SGCZ: variants seen among roughly 807,000 people sequenced by gnomAD.
The protein encoded by SGCZ is zeta-sarcoglycan.
In SGCZ, 40 loss-of-function variants were observed where a neutral mutation model predicts 41.3. The ratio of observed to expected loss-of-function variants is 0.97; its 90% CI spans 0.75 to 1.26. SGCZ has a LOEUF of 1.26. Ranked by LOEUF, SGCZ falls within the 50% of genes most tolerant of loss-of-function variation. The pLI is 0.00. For missense variants in SGCZ, 552 were observed against 369.8 expected, an observed-to-expected ratio of 1.49 and a Z score of -4.04; for synonymous variants, 206 against 137.5, an observed-to-expected ratio of 1.50 and a Z score of -3.49.
chr8:15,206,107 A>G (rs1801053506), intron 1 of SGCZ, among the ~76,000 whole-genome samples: 1 of 152,202 alleles, frequency 6.6e-6, no homozygotes. Context: ...GTGCTGAAAT[A>G]ATCTGTAGAA....
intron 4 of SGCZ, among the ~76,000 whole-genome samples, chr8:14,216,370 C>T (rs1379723541): frequency 3.9e-5 from 6 of 152,122 alleles, no homozygotes; most frequent in Admixed American, 2.6e-4. Context: ...TCCTCCGAAT[C>T]ACAGGAGAAG....
At chr8:14,784,913 A>AAAAAAAAAAAAAT (rs1408574493) in intron 1 of SGCZ, among the ~76,000 whole-genome samples, 28 of 88,008 alleles carry the variant, frequency 3.2e-4, no homozygotes, top group Non-Finnish European at 4.6e-4. Context: ...AAAAAAAAAA[A>AAAAAAAAAAAAAT]ATATATATAT....
At chr8:14,110,607 G>A (rs138764316) in intron 5 of SGCZ, among the ~76,000 whole-genome samples, 15 of 152,190 alleles carry the variant, frequency 9.9e-5, no homozygotes, top group Non-Finnish European at 1.5e-4. Context: ...CAAAATGCAG[G>A]CCTCTAGAAA....
intron 2 of SGCZ, among the ~76,000 whole-genome samples, chr8:14,387,963 A>G (rs547542596): frequency 6.6e-6 from 1 of 152,260 alleles, no homozygotes; most frequent in South Asian, 2.1e-4. Context: ...GGCTTACCAA[A>G]TGTAGAATCT....
chr8:14,731,592 A>G (rs1025634351), intron 1 of SGCZ, among the ~76,000 whole-genome samples: 2 of 152,194 alleles, frequency 1.3e-5, no homozygotes, highest in Non-Finnish European at 2.9e-5. Context: ...ACTTGTAGAA[A>G]TGTAATTTCA....
chr8:14,929,554 T>C (rs375620662), intron 1 of SGCZ, among the ~76,000 whole-genome samples: 2 of 151,396 alleles, frequency 1.3e-5, no homozygotes, highest in African/African-American at 4.9e-5. Context: ...CTCAGGGGAG[T>C]CAAATAAATT....
chr8:15,012,021 T>C lies in SGCZ; in HGVS notation c.39+225564A>G, dbSNP rs575068617. ...TCACATTTGCATCTATTTTTGAACTTGCACACAGAATTCTGTTTAACTACT... is the reference window on the plus strand; with the variant it reads ...TCACATTTGCATCTATTTTTGAACTCGCACACAGAATTCTGTTTAACTACT... On this transcript the variant is annotated intron_variant, in intron 1 of 7. Transcript: ENST00000382080. Among the ~76,000 whole-genome samples, 47 of 152,308 alleles carry C rather than the reference T, an allele frequency of 3.1e-4. 1 individual carries two copies. The highest frequency in any genetic ancestry group is 1.1e-3 in the African/African-American group (46 of 41,572).
intron 1 of SGCZ, among the ~76,000 whole-genome samples, chr8:14,645,478 T>TTATATA (rs1046258520): frequency 5.6e-5 from 6 of 106,618 alleles, no homozygotes; most frequent in Admixed American, 9.9e-5. Flanking sequence ...ATATATATAT[T>TTATATA]TATATGTATA....
At chr8:14,488,274 G>A (rs754134941) in intron 2 of SGCZ, among the ~76,000 whole-genome samples, 12 of 152,218 alleles carry the variant, frequency 7.9e-5, no homozygotes, top group Non-Finnish European at 1.5e-4. Context: ...AGGATTGATG[G>A]ATTGATATTA....
chr8:15,190,167 A>G (rs902031169), intron 1 of SGCZ, among the ~76,000 whole-genome samples: 5 of 152,280 alleles, frequency 3.3e-5, no homozygotes, highest in Middle Eastern at 3.4e-3. Context: ...TCTCACCACC[A>G]TAACACCAAC....
At chr8:14,874,795 A>G (rs537636567) in intron 1 of SGCZ, among the ~76,000 whole-genome samples, 3 of 152,270 alleles carry the variant, frequency 2.0e-5, no homozygotes, top group South Asian at 2.1e-4. Flanking sequence ...TGAAATTATA[A>G]CATGGCTCCC....
In SGCZ at chr8:14,145,754, G is replaced by A. The variant is rs79457882; in HGVS notation, c.547+18826C>T. On this transcript the variant is annotated intron_variant, in intron 5 of 7. Coordinates refer to ENST00000382080, the MANE Select transcript of SGCZ (RefSeq NM_139167.4). ...ACCCAATAAATTTATCAAAGAGATT[G>A]AAATAATTAAAAAGAAGCAGGAATC... Among the ~76,000 whole-genome samples, 216 of 152,252 alleles carry A rather than the reference G, an allele frequency of 1.4e-3. 5 individuals are homozygous for A. The East Asian group carries it at 0.039, about 28-fold the overall frequency.
chr8:14,168,884 T>C lies in SGCZ; in HGVS notation c.425-4182A>G, dbSNP rs1268367301. 2.6e-5 allele frequency among the ~76,000 whole-genome samples: 4 copies of C among 152,194 alleles called. No homozygotes were observed. In the East Asian group the frequency reaches 7.7e-4, roughly 29 times the overall value. ...AGTTAACCATTTAGCGGACTTACTA[T>C]ATGCTAGGCAGCAATGGAAGCATTT... On this transcript the variant is annotated intron_variant, in intron 4 of 7. Transcript: ENST00000382080.
intron 2 of SGCZ, among the ~76,000 whole-genome samples, chr8:14,431,850 C>A (rs1378095423): frequency 6.6e-6 from 1 of 152,002 alleles, no homozygotes; most frequent in Non-Finnish European, 1.5e-5. Context: ...AAAACAATCC[C>A]ATCAAAAAGT....
intron 2 of SGCZ, among the ~76,000 whole-genome samples, chr8:14,428,159 C>T (rs1799842160): frequency 6.6e-6 from 1 of 151,480 alleles, no homozygotes; most frequent in South Asian, 2.1e-4. Context: ...TACACACACA[C>T]ACACATACAC....
intron 1 of SGCZ, among the ~76,000 whole-genome samples, chr8:14,967,383 T>C (rs1288112542): frequency 6.6e-6 from 1 of 152,086 alleles, no homozygotes; most frequent in African/African-American, 2.4e-5. Flanking sequence ...ACATCAACCT[T>C]CCCTATTTCC....
chr8:14,931,038 C>T (rs184464404), intron 1 of SGCZ, among the ~76,000 whole-genome samples: 1 of 152,104 alleles, frequency 6.6e-6, no homozygotes, highest in Non-Finnish European at 1.5e-5. Flanking sequence ...TGTTTGAATA[C>T]ATTATTTTGC....
At chr8:14,455,207 G>T (rs564185601) in intron 2 of SGCZ, among the ~76,000 whole-genome samples, 77 of 151,798 alleles carry the variant, frequency 5.1e-4, no homozygotes, top group African/African-American at 1.6e-3. Flanking sequence ...TAGAAAAAAT[G>T]GAAAACCAAA....
chr8:14,680,932 T>A (rs1218018160), intron 1 of SGCZ, among the ~76,000 whole-genome samples: 3 of 68,714 alleles, frequency 4.4e-5, no homozygotes, highest in South Asian at 8.1e-4. Context: ...ACTTGAAGAA[T>A]CCAAATGAAA....
Sources: gnomAD v4.1 joint callset for allele counts (sites outside exome capture counted in the v4.1 genomes callset) on GRCh38, gnomAD v4.1.1 for gene constraint, MANE v1.5 for transcripts, NCBI Gene and HGNC (gene_info 2026-07-23, HGNC 2026-07-21) for gene names.